JTB: variants seen among roughly 807,000 people sequenced by gnomAD.
JTB encodes jumping translocation breakpoint.
In JTB, 10 loss-of-function variants were observed where a neutral mutation model predicts 22.1. The ratio of observed to expected loss-of-function variants is 0.45; its 90% CI spans 0.28 to 0.77. The LOEUF (loss-of-function observed/expected upper bound fraction) is 0.77. Ranked by LOEUF, JTB falls within the 30% of genes least tolerant of loss-of-function variation. JTB has a pLI of 0.13. For missense variants in JTB, 137 were observed against 180.3 expected (o/e 0.76, Z 1.38); for synonymous variants, 83 against 66.8 (o/e 1.24, Z -1.18).
Position 153,977,227 on chromosome 1 carries a change from C to A in JTB, c.26G>T (p.Gly9Val), listed in dbSNP as rs1296794668. The A allele has an allele frequency of 6.2e-7, 1 of 1,613,980 alleles. No individual in the cohort carries two copies. Among genetic ancestry groups the A allele is most frequent in the Non-Finnish European group, 8.5e-7 (1 of 1,180,030 alleles). The change falls in exon 1 of 5, where the codon GGC (glycine) becomes GTC (valine). Residue 9 changes from glycine (G) to valine (V), a missense_variant. Physicochemically the swap from Gly to Val is moderately radical, Grantham distance 109. Transcript: ENST00000271843. ...GCAGAGGTGGCGGCCCTGGGGGAGGCCAGGCCTCCCGGCACCCGCAAGCAT... is the reference window on the plus strand; with the variant it reads ...GCAGAGGTGGCGGCCCTGGGGGAGGACAGGCCTCCCGGCACCCGCAAGCAT... MLAGAGRP[G>V]LPQGRHLCWL...
In JTB at chr1:153,974,740, C is replaced by T. The variant is rs1648720445; in HGVS notation, c.380G>A (p.Arg127His). Reference protein sequence around the residue: ...ALIFACLVIIRQRQLDRKALE... With the variant: ...ALIFACLVIIHQRQLDRKALE... ...AGCCTTTCTGTCCAATTGTCGCTGA[C>T]GAATGATGACAAGACAAGCGAAGAT... Residue 127 changes from arginine (R) to histidine (H), a missense_variant, in exon 5 of 5, where the codon CGT (arginine) becomes CAT (histidine). Coordinates refer to ENST00000271843, the MANE Select transcript of JTB (RefSeq NM_006694.4). 3.7e-6 allele frequency: 6 copies of T among 1,613,842 alleles called. No individual in the cohort carries two copies. The highest frequency in any genetic ancestry group is 2.2e-5 in the East Asian group (1 of 44,868).
Position 153,974,714 on chromosome 1 carries a change from G to C in JTB, c.406C>G (p.Leu136Val). ...IRQRQLDRKALEKVRKQIESI is the reference protein window; with the variant it reads ...IRQRQLDRKAVEKVRKQIESI Reference sequence around the variant, plus strand: ...TCGATTTGCTTCCGGACCTTTTCCAGAGCCTTTCTGTCCAATTGTCGCTGA... The same window carrying C: ...TCGATTTGCTTCCGGACCTTTTCCACAGCCTTTCTGTCCAATTGTCGCTGA... Residue 136 changes from leucine to valine, a missense_variant, in exon 5 of 5, where the codon CTG becomes GTG. By Grantham distance (32) the Leu-to-Val change is conservative (BLOSUM62 1). Transcript: ENST00000271843. The C allele has an allele frequency of 1.2e-6, 2 of 1,613,630 alleles. No individual in the cohort carries two copies. The highest frequency in any genetic ancestry group is 1.7e-6 in the Non-Finnish European group (2 of 1,179,578).
Position 153,975,831 on chromosome 1 carries a change from G to A in JTB, c.279C>T (p.Phe93=). The part of the protein sequence containing the change: ...ITCSSSKRNE[F]KSCRSALMEQ... ...AGAAGAGAAACAGCACTCACCTTTT[G>A]AACTCATTTCTCTTAGATGAGCTGC... Residue 93 remains phenylalanine, a synonymous_variant, in exon 4 of 5, where the codon TTC becomes TTT. Transcript: ENST00000271843. 1 of 1,612,902 alleles carries A rather than the reference G, an allele frequency of 6.2e-7. No homozygotes were observed. The highest frequency in any genetic ancestry group is 8.5e-7 in the Non-Finnish European group (1 of 1,178,890).
At chr1:153,976,658 T>C in intron 3 of JTB, 35 bp downstream of exon 3, 1 of 1,541,684 alleles carries the variant, frequency 6.5e-7, no homozygotes, top group Non-Finnish European at 8.9e-7. Flanking sequence ...GCTTAGATGT[T>C]TAAAAAAAAA....
intron 3 of JTB, among the ~76,000 whole-genome samples, 181 bp from the exon 4 acceptor site, chr1:153,976,086 G>A (rs78714663): frequency 0.012 from 1,849 of 152,334 alleles, 39 homozygotes; most frequent in African/African-American, 0.043. Context: ...ACGAATGTAT[G>A]TTAGAACACT....
chr1:153,976,879 G>GTGCC, intron 2 of JTB, 97 bp downstream of exon 2: 1 of 1,599,422 alleles, frequency 6.3e-7, no homozygotes, highest in Non-Finnish European at 8.6e-7. Flanking sequence ...ATTCCATGTG[G>GTGCC]TGCCGGCCTT....
Position 153,974,643 on chromosome 1 carries a change from G to A in JTB, c.*36C>T. The A allele has an allele frequency of 6.4e-7, 1 of 1,573,954 alleles. No individual in the cohort carries two copies. Among genetic ancestry groups the A allele is most frequent in the Non-Finnish European group, 8.7e-7 (1 of 1,147,114 alleles). On this transcript the variant is annotated 3_prime_UTR_variant, in exon 5 of 5. Transcript: ENST00000271843. ...ATTTCACTTTCACTGTCTGAGATAGGGTCTCTAAGACCCAGGATACAAGGG... is the reference window on the plus strand; with the variant it reads ...ATTTCACTTTCACTGTCTGAGATAGAGTCTCTAAGACCCAGGATACAAGGG...
Position 153,977,485 on chromosome 1 carries a change from G to A in JTB, c.-233C>T, listed in dbSNP as rs534756558. 6 of 1,262,074 alleles carry A rather than the reference G, an allele frequency of 4.8e-6. No homozygotes were observed. The highest frequency in any genetic ancestry group is 6.3e-4 in the Middle Eastern group (2 of 3,194). 78.2% of individuals were successfully genotyped at this position (1,262,074 alleles called of 1,614,324 possible). A position where few individuals can be genotyped will look rare whatever the true frequency, so the allele number is the denominator to read the frequency against. ...CTAGGGAGGCGAGCGCCTTCTGCGG[G>A]GTCCGCAGGGCGCTGGAGGAAGGGC... On this transcript the variant is annotated 5_prime_UTR_variant, in exon 1 of 5. Coordinates refer to ENST00000271843, the MANE Select transcript of JTB (RefSeq NM_006694.4).
In JTB at chr1:153,977,316, C is replaced by T. The variant is rs1648826165; in HGVS notation, c.-64G>A. On this transcript the variant is annotated 5_prime_UTR_variant, in exon 1 of 5. Transcript: ENST00000271843. ...TACTCCACAGGCCTCGTGCCTCCGT[C>T]GGAGCGCAGAGGCGGCACTTACTCT... 6.3e-7 allele frequency: 1 copy of T among 1,589,240 alleles called. No individual in the cohort carries two copies. Among genetic ancestry groups the T allele is most frequent in the African/African-American group, 1.3e-5 (1 of 74,292 alleles).
Sources: gnomAD v4.1 joint callset for allele counts (sites outside exome capture counted in the v4.1 genomes callset) on GRCh38, gnomAD v4.1.1 for gene constraint, MANE v1.5 for transcripts, NCBI Gene and HGNC (gene_info 2026-07-23, HGNC 2026-07-21) for gene names.